Variants in MYO3B observed in about 807,000 individuals in gnomAD.
MYO3B encodes the protein myosin-IIIb.
In MYO3B, 156 loss-of-function variants were observed where a neutral mutation model predicts 174.6. That is an observed-to-expected ratio of 0.89 (90% CI 0.78 to 1.02). MYO3B has a LOEUF of 1.02. MYO3B is among the 50% of genes least tolerant of loss of function. The pLI is 0.00. For missense variants in MYO3B, 1,632 were observed against 1,639.4 expected (o/e 1.00, Z 0.08); for synonymous variants, 563 against 569.1 (o/e 0.99, Z 0.15).
intron 6 of MYO3B, among the ~76,000 whole-genome samples, chr2:170,226,143 C>CA (rs1180253081): frequency 1.3e-5 from 2 of 152,128 alleles, no homozygotes; most frequent in African/African-American, 4.8e-5. Flanking sequence ...TGCTAGGTTC[C>CA]ATTTTACCTG....
chr2:170,500,593 A>G (rs1687199241), intron 27 of MYO3B, among the ~76,000 whole-genome samples: 1 of 152,184 alleles, frequency 6.6e-6, no homozygotes, highest in African/African-American at 2.4e-5. Context: ...AGCCCCAACA[A>G]CTGCCATGGT....
intron 6 of MYO3B, among the ~76,000 whole-genome samples, chr2:170,234,203 A>C (rs1461349166): frequency 2.2e-5 from 3 of 133,360 alleles, no homozygotes; most frequent in East Asian, 2.0e-4. Flanking sequence ...CAAAACAAAA[A>C]AAAAACACCT....
At chr2:170,366,328 G>T (rs545600845) in intron 8 of MYO3B, among the ~76,000 whole-genome samples, 5 of 151,956 alleles carry the variant, frequency 3.3e-5, no homozygotes, top group South Asian at 2.1e-4. Context: ...TTGAGACAGG[G>T]TCTCACTCTG....
At chr2:170,521,447 C>T (rs1315236035) in intron 30 of MYO3B, among the ~76,000 whole-genome samples, 1 of 152,212 alleles carries the variant, frequency 6.6e-6, no homozygotes, top group Non-Finnish European at 1.5e-5. Context: ...ACTTCAGCCC[C>T]AGTCTGACTT....
At position 170,391,295 on chromosome 2, in the gene MYO3B, T is replaced by A. The variant is rs183807132; in HGVS notation, c.1578-225T>A. ...TGAGCTGTTTCCTGTAAATGTCCCA[T>A]TCTCTGAAACCTTTTGCTTGTCGTA... On this transcript the variant is annotated intron_variant, in intron 14 of 34. Coordinates refer to ENST00000408978, the MANE Select transcript of MYO3B (RefSeq NM_138995.5). Among the ~76,000 whole-genome samples, 27 of 152,318 alleles carry A rather than the reference T, an allele frequency of 1.8e-4. No homozygotes were observed. In the East Asian group the frequency reaches 5.0e-3, roughly 28 times the overall value.
chr2:170,294,551 A>G (rs1169596237), intron 7 of MYO3B, among the ~76,000 whole-genome samples: 1 of 152,062 alleles, frequency 6.6e-6, no homozygotes, highest in East Asian at 1.9e-4. Flanking sequence ...TTTATTAAAA[A>G]TTTGTGATCC....
At chr2:170,649,110 A>AAAC (rs1698690327) in intron 32 of MYO3B, among the ~76,000 whole-genome samples, 2 of 71,910 alleles carry the variant, frequency 2.8e-5, no homozygotes, top group Admixed American at 2.4e-4. Flanking sequence ...ATTATATATA[A>AAAC]AATAATATAT....
At chr2:170,633,817 C>T (rs1697232956) in intron 32 of MYO3B, among the ~76,000 whole-genome samples, 1 of 152,100 alleles carries the variant, frequency 6.6e-6, no homozygotes, top group African/African-American at 2.4e-5. Flanking sequence ...TCTTATACAC[C>T]AGTAACAGAC....
At position 170,509,014 on chromosome 2, in the gene MYO3B, G is replaced by T. The variant is rs191517484; in HGVS notation, c.3371-5907G>T. ...TCCCTTCCTAAATGTCAACTTCACT[G>T]GGGGGGAAAAAAGTCTGTGAAATAC... On this transcript the variant is annotated intron_variant, in intron 28 of 34. Coordinates refer to ENST00000408978, the MANE Select transcript of MYO3B (RefSeq NM_138995.5). 2.9e-5 allele frequency among the ~76,000 whole-genome samples: 4 copies of T among 137,212 alleles called. 1 individual carries two copies. The highest frequency in any genetic ancestry group is 1.3e-4 in the African/African-American group (4 of 31,846). 90.0% of individuals were successfully genotyped at this position (137,212 alleles called of 152,430 possible).
intron 7 of MYO3B, among the ~76,000 whole-genome samples, chr2:170,303,935 GTAC>G (rs2093682944): frequency 6.6e-6 from 1 of 151,880 alleles, no homozygotes; most frequent in African/African-American, 2.4e-5. Context: ...TTCCTTATTA[GTAC>G]TTACATAGAC....
intron 30 of MYO3B, among the ~76,000 whole-genome samples, chr2:170,526,631 A>G (rs1689020948): frequency 6.6e-6 from 1 of 152,324 alleles, no homozygotes; most frequent in South Asian, 2.1e-4. Context: ...AAATAATAAC[A>G]TTCAGAGCTT....
At chr2:170,433,677 T>A (rs2094729026) in intron 22 of MYO3B, among the ~76,000 whole-genome samples, 1 of 152,250 alleles carries the variant, frequency 6.6e-6, no homozygotes, top group Non-Finnish European at 1.5e-5. Flanking sequence ...CTCTTCTTTT[T>A]CGGGCCTTCC....
intron 29 of MYO3B, 21 bp downstream of exon 29, chr2:170,515,043 G>A (rs1428619379): frequency 1.2e-6 from 2 of 1,604,376 alleles, no homozygotes; most frequent in Non-Finnish European, 1.7e-6. Context: ...TCGAGATTTA[G>A]AATGAGTGTT....
At chr2:170,529,420 T>C (rs1689200519) in intron 30 of MYO3B, among the ~76,000 whole-genome samples, 1 of 151,820 alleles carries the variant, frequency 6.6e-6, no homozygotes, top group African/African-American at 2.4e-5. Flanking sequence ...TTCCCTTCTG[T>C]CCTCCTTCTC....
At chr2:170,453,455 A>ACAC (rs1559016281) in intron 23 of MYO3B, among the ~76,000 whole-genome samples, 5,137 of 101,674 alleles carry the variant, frequency 0.051, 96 homozygotes, top group African/African-American at 0.056. Context: ...CACACACACG[A>ACAC]GAGAGAGAGA....
chr2:170,589,393 T>C (rs1367833226), intron 32 of MYO3B, among the ~76,000 whole-genome samples: 1 of 152,170 alleles, frequency 6.6e-6, no homozygotes, highest in Non-Finnish European at 1.5e-5. Context: ...TCAGAAGGCA[T>C]TGTTGTCATA....
intron 9 of MYO3B, among the ~76,000 whole-genome samples, chr2:170,379,861 A>G: frequency 6.6e-6 from 1 of 152,232 alleles, no homozygotes. Flanking sequence ...TCTCTTTTCA[A>G]ATTTATCAGT....
At chr2:170,507,106 G>A (rs1316756528) in intron 28 of MYO3B, among the ~76,000 whole-genome samples, 1 of 152,312 alleles carries the variant, frequency 6.6e-6, no homozygotes, top group East Asian at 1.9e-4. Context: ...TTGGCCGTAG[G>A]GCAGGAGGCA....
At chr2:170,237,973 G>A (rs889211143) in intron 7 of MYO3B, among the ~76,000 whole-genome samples, 1 of 152,178 alleles carries the variant, frequency 6.6e-6, no homozygotes, top group Admixed American at 6.5e-5. Flanking sequence ...AATGGCTGAC[G>A]TGACATTCTT....
Sources: gnomAD v4.1 joint callset for allele counts (sites outside exome capture counted in the v4.1 genomes callset) on GRCh38, gnomAD v4.1.1 for gene constraint, MANE v1.5 for transcripts, NCBI Gene and HGNC (gene_info 2026-07-23, HGNC 2026-07-21) for gene names.